The following TAOK1 variants were observed in gnomAD, a reference collection of about 807,000 sequenced individuals.
The protein encoded by TAOK1 is TAO kinase 1, also known as serine/threonine-protein kinase TAO1.
In TAOK1, 21 loss-of-function variants were observed where a neutral mutation model predicts 138.3. That is an observed-to-expected ratio of 0.15 (90% CI 0.11 to 0.22). The LOEUF is 0.22. Ranked by LOEUF, TAOK1 falls within the 10% of genes least tolerant of loss-of-function variation. The pLI, the probability that TAOK1 is intolerant of heterozygous loss-of-function variation, is 1.00. For synonymous variants in TAOK1, 361 were observed against 398.4 expected, an observed-to-expected ratio of 0.91 and a Z score of 1.12; for missense variants, 651 against 1,227.7, an observed-to-expected ratio of 0.53 and a Z score of 7.02.
chr17:29,530,527 C>T lies in TAOK1; in HGVS notation c.2269C>T (p.Leu757=), dbSNP rs1458497235. The stretch of plus-strand genomic sequence containing the variant: ...ACCAAAGAGTGAGCACAAAGCTGTT[C>T]TGAAACGGCTCAAGGAGGAACAGAC... ...TTPKSEHKAV[L]KRLKEEQTRK... Residue 757 remains leucine, a synonymous_variant, in exon 18 of 20, where the codon CTG becomes TTG. Coordinates refer to ENST00000261716, the MANE Select transcript of TAOK1 (RefSeq NM_020791.4). 1 of 1,614,136 alleles carries T rather than the reference C, an allele frequency of 6.2e-7. No individual in the cohort carries two copies. Among genetic ancestry groups the T allele is most frequent in the South Asian group, 1.1e-5 (1 of 91,074 alleles).
intron 2 of TAOK1, among the ~76,000 whole-genome samples, chr17:29,454,361 A>G (rs1188698779): frequency 1.3e-5 from 2 of 151,936 alleles, no homozygotes; most frequent in Non-Finnish European, 2.9e-5. Flanking sequence ...TATTCCTCCA[A>G]CTTTGTTATT....
intron 1 of TAOK1, among the ~76,000 whole-genome samples, chr17:29,406,202 CT>C (rs1260646391): frequency 2.0e-5 from 3 of 152,034 alleles, no homozygotes; most frequent in African/African-American, 7.2e-5. Context: ...AGCGTCACCC[CT>C]GGTTGTGATG....
intron 16 of TAOK1, among the ~76,000 whole-genome samples, chr17:29,518,357 C>T (rs956076780): frequency 1.3e-5 from 2 of 152,150 alleles, no homozygotes; most frequent in Admixed American, 6.6e-5. Context: ...TTGTGGTGTG[C>T]ACCTGTAGTG....
intron 8 of TAOK1, 110 bp downstream of exon 8, chr17:29,482,398 AG>A (rs937478493): frequency 8.2e-6 from 7 of 850,396 alleles, no homozygotes; most frequent in Non-Finnish European, 1.3e-5. Context: ...TCACTTTATA[AG>A]GGGGGCAATA....
intron 1 of TAOK1, among the ~76,000 whole-genome samples, chr17:29,418,398 G>T (rs984977245): frequency 1.3e-5 from 2 of 151,740 alleles, no homozygotes; most frequent in Non-Finnish European, 2.9e-5. Flanking sequence ...TAGAAATAGG[G>T]TCTTGCATGT....
chr17:29,503,214 A>G (rs1316708650), intron 13 of TAOK1, among the ~76,000 whole-genome samples: 2 of 151,706 alleles, frequency 1.3e-5, no homozygotes, highest in South Asian at 2.1e-4. Context: ...GGCTAACACG[A>G]TGAAACCCCA....
chr17:29,525,952 G>A (rs946091189), intron 17 of TAOK1, among the ~76,000 whole-genome samples: 3 of 152,104 alleles, frequency 2.0e-5, no homozygotes, highest in Admixed American at 6.5e-5. Flanking sequence ...AGCCAAGGTC[G>A]TGCCACTGCA....
At chr17:29,528,700 C>G (rs1197335420) in intron 17 of TAOK1, among the ~76,000 whole-genome samples, 1 of 151,654 alleles carries the variant, frequency 6.6e-6, no homozygotes, top group African/African-American at 2.4e-5. Flanking sequence ...ATTGGCTGGG[C>G]TTGGTGGTGC....
chr17:29,526,676 A>G (rs1202434894), intron 17 of TAOK1, among the ~76,000 whole-genome samples: 1 of 152,066 alleles, frequency 6.6e-6, no homozygotes, highest in Non-Finnish European at 1.5e-5. Context: ...AGCCTCTCAG[A>G]GTCTTGGGAT....
chr17:29,524,626 A>G (rs1022320760), intron 17 of TAOK1, among the ~76,000 whole-genome samples: 2 of 152,188 alleles, frequency 1.3e-5, no homozygotes, highest in African/African-American at 4.8e-5. Flanking sequence ...AGGTGTATCT[A>G]TTTACTTAGT....
intron 2 of TAOK1, among the ~76,000 whole-genome samples, chr17:29,459,651 G>T (rs2030485224): frequency 6.6e-6 from 1 of 152,086 alleles, no homozygotes; most frequent in Admixed American, 6.6e-5. Context: ...TTGTCTGTTG[G>T]TGGACACTTA....
In TAOK1 at chr17:29,550,681, A is replaced by G. The variant is rs1258607854; in HGVS notation, c.*7659A>G. ...GGGTTTAAGAGCATCTTGAATGTAT[A>G]ATCCTTTTTGTAACCCAGGTTGGTT... On this transcript the variant is annotated 3_prime_UTR_variant, in exon 20 of 20. Transcript: ENST00000261716. 6.6e-6 allele frequency: 1 copy of G among 152,210 alleles called. No individual in the cohort carries two copies. The highest frequency in any genetic ancestry group is 1.5e-5 in the Non-Finnish European group (1 of 68,034). The allele number at this position is 152,210 out of a possible 1,614,324, so 9.4% of individuals were successfully genotyped here.
intron 1 of TAOK1, among the ~76,000 whole-genome samples, chr17:29,417,419 C>T (rs560878827): frequency 7.2e-5 from 11 of 152,232 alleles, no homozygotes; most frequent in African/African-American, 1.7e-4. Flanking sequence ...TTTGCAGATA[C>T]GTTTTTTTCG....
chr17:29,524,689 C>T (rs1028298643), intron 17 of TAOK1, among the ~76,000 whole-genome samples: 6 of 152,160 alleles, frequency 3.9e-5, no homozygotes, highest in African/African-American at 1.2e-4. Context: ...CTTAAGTAAT[C>T]GTTGCCTCTT....
In TAOK1 at chr17:29,447,719, C is replaced by T. The variant is rs866161474; in HGVS notation, c.-94-3736C>T. Among the ~76,000 whole-genome samples the T allele has an allele frequency of 3.3e-5, 5 of 150,954 alleles. No homozygotes were observed. The South Asian group carries it at 8.4e-4, about 25-fold the overall frequency. On this transcript the variant is annotated intron_variant, in intron 1 of 19. Coordinates refer to ENST00000261716, the MANE Select transcript of TAOK1 (RefSeq NM_020791.4). Reference sequence around the variant, plus strand: ...TTGCCCAGGCTGCAGTGCAATGACACGATCTTGGCTCAGGGCATCCTCTGC... The same window carrying T: ...TTGCCCAGGCTGCAGTGCAATGACATGATCTTGGCTCAGGGCATCCTCTGC...
intron 8 of TAOK1, among the ~76,000 whole-genome samples, chr17:29,488,582 T>TAAG (rs1243986119): frequency 5.9e-5 from 8 of 136,012 alleles, no homozygotes; most frequent in South Asian, 2.2e-4. Flanking sequence ...CAAAAAATAA[T>TAAG]AATAATAATA....
chr17:29,425,545 GGTGT>G (rs1196601469), intron 1 of TAOK1, among the ~76,000 whole-genome samples: 2 of 152,150 alleles, frequency 1.3e-5, no homozygotes, highest in Non-Finnish European at 2.9e-5. Flanking sequence ...TGAGTAAGGT[GGTGT>G]GTGCCTGTAG....
At chr17:29,442,138 G>A (rs1287091174) in intron 1 of TAOK1, among the ~76,000 whole-genome samples, 1 of 151,700 alleles carries the variant, frequency 6.6e-6, no homozygotes, top group Non-Finnish European at 1.5e-5. Flanking sequence ...AACCTCCCTG[G>A]CTCAAGCAAT....
intron 13 of TAOK1, among the ~76,000 whole-genome samples, chr17:29,504,446 G>T (rs1264566044): frequency 2.0e-5 from 3 of 151,866 alleles, no homozygotes; most frequent in Non-Finnish European, 2.9e-5. Flanking sequence ...GAGGCGGGTG[G>T]ATCACCTGAG....
Sources: allele counts gnomAD v4.1 joint callset (sites outside exome capture counted in the v4.1 genomes callset), GRCh38; gene constraint gnomAD v4.1.1; transcripts MANE v1.5; gene names NCBI Gene and HGNC (gene_info 2026-07-23, HGNC 2026-07-21).